THSD7A: variants seen among roughly 807,000 people sequenced by gnomAD.
THSD7A encodes thrombospondin type-1 domain-containing protein 7A.
Under a neutral mutation model 231.3 loss-of-function variants are expected in THSD7A, and 96 were observed. The observed-to-expected ratio is 0.41, with a 90% CI of 0.35 to 0.49. The LOEUF is 0.49. Among genes scored for constraint, THSD7A ranks in the 20% least tolerant of loss-of-function variants. The probability of loss-of-function intolerance (pLI) is 0.05; values close to 1 mark genes in which losing one functional copy is unlikely to be tolerated. For missense variants in THSD7A, 2,290 were observed against 2,070.2 expected (o/e 1.11, Z -2.06); for synonymous variants, 940 against 743.3 (o/e 1.26, Z -4.30).
At chr7:11,818,354 T>G (rs1784772799) in intron 1 of THSD7A, among the ~76,000 whole-genome samples, 1 of 152,240 alleles carries the variant, frequency 6.6e-6, no homozygotes, top group Admixed American at 6.5e-5. Flanking sequence ...AGCAGTATTG[T>G]TCTACGTTAG....
chr7:11,692,862 G>A (rs191107348), intron 1 of THSD7A, among the ~76,000 whole-genome samples: 1 of 151,640 alleles, frequency 6.6e-6, no homozygotes, highest in East Asian at 2.0e-4. Flanking sequence ...CCAAATAGCT[G>A]AAATTCTTCA....
intron 4 of THSD7A, among the ~76,000 whole-genome samples, chr7:11,574,881 GC>G (rs1456036561): frequency 2.6e-5 from 4 of 152,152 alleles, no homozygotes; most frequent in African/African-American, 9.7e-5. Context: ...AGGTGAGATA[GC>G]TTTTCTCTAG....
chr7:11,607,843 A>G (rs1181962579), intron 2 of THSD7A, among the ~76,000 whole-genome samples: 1 of 151,994 alleles, frequency 6.6e-6, no homozygotes, highest in East Asian at 1.9e-4. Context: ...GCTGCTGGGG[A>G]ACATTGCCAA....
intron 1 of THSD7A, among the ~76,000 whole-genome samples, chr7:11,649,332 G>C (rs1049972802): frequency 6.6e-6 from 1 of 152,012 alleles, no homozygotes; most frequent in African/African-American, 2.4e-5. Context: ...GATAGACCCT[G>C]AGTCAGAACC....
intron 2 of THSD7A, among the ~76,000 whole-genome samples, chr7:11,631,456 A>G (rs922069436): frequency 4.6e-5 from 7 of 152,180 alleles, no homozygotes; most frequent in Non-Finnish European, 1.0e-4. Flanking sequence ...AAAAAATCAT[A>G]ACAAATTTAA....
intron 13 of THSD7A, among the ~76,000 whole-genome samples, chr7:11,439,674 C>A (rs1037817861): frequency 6.6e-5 from 10 of 151,994 alleles, no homozygotes; most frequent in Non-Finnish European, 1.3e-4. Context: ...TTCCCTTAAA[C>A]CAAAGCCTAA....
chr7:11,553,157 T>A (rs1177672567), intron 4 of THSD7A, among the ~76,000 whole-genome samples: 3 of 152,122 alleles, frequency 2.0e-5, no homozygotes, highest in Non-Finnish European at 2.9e-5. Flanking sequence ...TTTGCTCAGC[T>A]GCTAAGCGCA....
In THSD7A at chr7:11,572,853, G is replaced by A. The variant is rs146798375; in HGVS notation, c.1453+17607C>T. On this transcript the variant is annotated intron_variant, in intron 4 of 27. Coordinates refer to ENST00000423059, the MANE Select transcript of THSD7A (RefSeq NM_015204.3). ...TTCTTCTGACTGCCTTTTTCCCTCC[G>A]TCAATAATGGGTCTTTTTCTTCTCC... is the stretch of plus-strand genomic sequence containing the variant. Among the ~76,000 whole-genome samples the A allele has an allele frequency of 1.0e-3, 153 of 152,080 alleles. 1 individual carries two copies. The highest frequency in any genetic ancestry group is 3.4e-3 in the African/African-American group (143 of 41,464).
intron 1 of THSD7A, among the ~76,000 whole-genome samples, chr7:11,668,697 G>A (rs1426501522): frequency 1.3e-5 from 2 of 152,216 alleles, no homozygotes; most frequent in African/African-American, 2.4e-5. Context: ...TAATTTTTTG[G>A]TGACAGTAAA....
intron 6 of THSD7A, among the ~76,000 whole-genome samples, chr7:11,499,001 C>T (rs1787224198): frequency 6.6e-6 from 1 of 152,164 alleles, no homozygotes; most frequent in Admixed American, 6.5e-5. Context: ...AAGCCAGTAC[C>T]AACTCAGCAA....
intron 4 of THSD7A, among the ~76,000 whole-genome samples, chr7:11,579,285 T>C (rs140725841): frequency 2.5e-3 from 387 of 152,322 alleles, no homozygotes; most frequent in African/African-American, 8.9e-3. Flanking sequence ...CTACTCCCTA[T>C]TGAGCAATCA....
At chr7:11,583,581 C>T (rs1351888508) in intron 4 of THSD7A, among the ~76,000 whole-genome samples, 1 of 152,050 alleles carries the variant, frequency 6.6e-6, no homozygotes, top group African/African-American at 2.4e-5. Flanking sequence ...TGGCCTCTAT[C>T]TGCTATTTCT....
At chr7:11,517,827 C>T (rs567029195) in intron 6 of THSD7A, among the ~76,000 whole-genome samples, 14 of 152,256 alleles carry the variant, frequency 9.2e-5, no homozygotes, top group South Asian at 4.1e-4. Context: ...GAATCAGGTG[C>T]CTTTGAGAAA....
chr7:11,551,349 T>G (rs1003457832), intron 4 of THSD7A, among the ~76,000 whole-genome samples: 9 of 152,088 alleles, frequency 5.9e-5, no homozygotes, highest in African/African-American at 2.2e-4. Context: ...AAATGAGACC[T>G]AATTAAACTA....
In THSD7A at chr7:11,636,730, T is replaced by C. The variant is rs1466181112; in HGVS notation, c.422A>G (p.Glu141Gly). 3.1e-6 allele frequency: 5 copies of C among 1,613,878 alleles called. No homozygotes were observed. The East Asian group carries it at 8.9e-5, about 29-fold the overall frequency. ...CCCCTTAATGCACTCAAGAGGTTTC[T>C]CTAGGCTTTTTGAAATCACGGGCTG... ...QCQPVISKSL[E>G]KPLECIKGEE... Residue 141 changes from glutamate (E) to glycine (G), a missense_variant, in exon 2 of 28, where the codon GAG (glutamate) becomes GGG (glycine). By Grantham distance (98) the Glu-to-Gly change is moderately conservative (BLOSUM62 -2). Transcript: ENST00000423059. This position sits in a 1 kb window ranked among gnomAD's most constrained non-coding sequence, Gnocchi z 10.0.
At chr7:11,491,298 A>C (rs531204264) in intron 6 of THSD7A, among the ~76,000 whole-genome samples, 32 of 152,218 alleles carry the variant, frequency 2.1e-4, no homozygotes, top group African/African-American at 7.7e-4. Flanking sequence ...TTGGGTTCTA[A>C]GTATCTTTGG....
At chr7:11,382,387 G>A in intron 24 of THSD7A, 134 bp downstream of exon 24, 1 of 715,136 alleles carries the variant, frequency 1.4e-6, no homozygotes, top group Non-Finnish European at 2.4e-6. Flanking sequence ...GGTATATACA[G>A]CTTAGGCATC....
At chr7:11,748,582 G>C (rs1782391362) in intron 1 of THSD7A, among the ~76,000 whole-genome samples, 1 of 151,818 alleles carries the variant, frequency 6.6e-6, no homozygotes, top group South Asian at 2.1e-4. Flanking sequence ...TCAGAACAAA[G>C]TCAAGAGACA....
chr7:11,643,507 T>A (rs1019121566), intron 1 of THSD7A, among the ~76,000 whole-genome samples: 29 of 152,132 alleles, frequency 1.9e-4, no homozygotes, highest in Admixed American at 5.9e-4. Flanking sequence ...AAAACGAAAT[T>A]TTGGATTGTG....
Sources: gnomAD v4.1 joint callset for allele counts (sites outside exome capture counted in the v4.1 genomes callset) on GRCh38, gnomAD v4.1.1 for gene constraint, Gnocchi (gnomAD v3.1) non-coding constraint, MANE v1.5 for transcripts, NCBI Gene and HGNC (gene_info 2026-07-23, HGNC 2026-07-21) for gene names.